The following DDR2 variants were observed in gnomAD, a reference collection of about 807,000 sequenced individuals.
The protein encoded by DDR2 is discoidin domain receptor tyrosine kinase 2, also known as discoidin domain-containing receptor 2.
A neutral mutation model predicts 94.9 loss-of-function variants in DDR2; 27 were observed. The ratio of observed to expected loss-of-function variants is 0.28; its 90% CI spans 0.21 to 0.39. The LOEUF (loss-of-function observed/expected upper bound fraction) is 0.39. Ranked by LOEUF, DDR2 falls within the 10% of genes least tolerant of loss-of-function variation. The pLI, the probability that DDR2 is intolerant of heterozygous loss-of-function variation, is 1.00. For missense variants in DDR2, 783 were observed against 1,076.0 expected, an observed-to-expected ratio of 0.73 and a Z score of 3.81; for synonymous variants, 382 against 377.2, an observed-to-expected ratio of 1.01 and a Z score of -0.15.
chr1:162,670,404 C>G (rs1383393513), intron 2 of DDR2, among the ~76,000 whole-genome samples: 2 of 152,220 alleles, frequency 1.3e-5, no homozygotes. Flanking sequence ...TTGTGCCTGG[C>G]ACAGCTCTCC....
intron 12 of DDR2, 62 bp downstream of exon 12, chr1:162,770,574 T>A (rs1240605844): frequency 2.7e-6 from 4 of 1,460,210 alleles, no homozygotes; most frequent in African/African-American, 1.4e-5. Flanking sequence ...CAGGTAGGTA[T>A]GACACGCCTG....
chr1:162,654,484 AC>A (rs1571150671), intron 1 of DDR2, among the ~76,000 whole-genome samples: 1 of 152,062 alleles, frequency 6.6e-6, no homozygotes, highest in East Asian at 1.9e-4. Context: ...AAAACCAAAA[AC>A]CCTCAAACAC....
intron 3 of DDR2, among the ~76,000 whole-genome samples, chr1:162,745,696 G>T (rs1212448459): frequency 1.3e-5 from 2 of 151,860 alleles, no homozygotes; most frequent in Non-Finnish European, 2.9e-5. Context: ...GTTTTTTCAG[G>T]TACCATACTG....
chr1:162,751,321 C>CA (rs1245962837), intron 3 of DDR2, among the ~76,000 whole-genome samples: 2 of 151,984 alleles, frequency 1.3e-5, no homozygotes, highest in Non-Finnish European at 2.9e-5. Flanking sequence ...ACAACCCCAT[C>CA]AAAAAATGGG....
intron 11 of DDR2, among the ~76,000 whole-genome samples, chr1:162,769,375 T>C (rs1664154314): frequency 6.6e-6 from 1 of 152,212 alleles, no homozygotes; most frequent in African/African-American, 2.4e-5. Context: ...TTAACATAGC[T>C]GTAGACTGTA....
At chr1:162,757,146 A>T (rs372103666) in intron 7 of DDR2, among the ~76,000 whole-genome samples, 1 of 152,244 alleles carries the variant, frequency 6.6e-6, no homozygotes, top group East Asian at 1.9e-4. Flanking sequence ...GGATGAAAAC[A>T]TCTGGATTTC....
intron 2 of DDR2, among the ~76,000 whole-genome samples, chr1:162,715,651 CT>C (rs1661132718): frequency 6.6e-6 from 1 of 152,296 alleles, no homozygotes; most frequent in Admixed American, 6.5e-5. Flanking sequence ...TAACACAAGC[CT>C]TAGGTTCACA....
At chr1:162,670,462 A>G (rs368096722) in intron 2 of DDR2, among the ~76,000 whole-genome samples, 2 of 152,318 alleles carry the variant, frequency 1.3e-5, no homozygotes, top group African/African-American at 4.8e-5. Context: ...CAGGTTACCT[A>G]GGATGATCTT....
intron 1 of DDR2, among the ~76,000 whole-genome samples, chr1:162,644,502 C>G (rs1657309673): frequency 6.6e-6 from 1 of 152,160 alleles, no homozygotes; most frequent in Non-Finnish European, 1.5e-5. Context: ...ATCCACCAGA[C>G]AGCCTGATGA....
chr1:162,772,394 T>C (rs1647273215), intron 13 of DDR2, 147 bp downstream of exon 13: 1 of 853,590 alleles, frequency 1.2e-6, no homozygotes, highest in Non-Finnish European at 1.9e-6. Context: ...TGGATTTCAG[T>C]ATTGGGTCAA....
At chr1:162,641,105 C>T (rs1211149014) in intron 1 of DDR2, among the ~76,000 whole-genome samples, 1 of 152,068 alleles carries the variant, frequency 6.6e-6, no homozygotes, top group African/African-American at 2.4e-5. Context: ...GAGTGATGGG[C>T]CAAGGGTTAA....
At chr1:162,660,056 A>T (rs1232479318) in intron 2 of DDR2, among the ~76,000 whole-genome samples, 1 of 152,150 alleles carries the variant, frequency 6.6e-6, no homozygotes, top group Non-Finnish European at 1.5e-5. Flanking sequence ...CCTGAGCCTG[A>T]ACTTGCTCAA....
chr1:162,680,288 C>T (rs1659340639), intron 2 of DDR2, among the ~76,000 whole-genome samples: 1 of 152,106 alleles, frequency 6.6e-6, no homozygotes, highest in African/African-American at 2.4e-5. Flanking sequence ...GTCTTTAATC[C>T]ATCTTGAGTT....
chr1:162,663,172 C>A (rs1658390822), intron 2 of DDR2, among the ~76,000 whole-genome samples: 1 of 152,104 alleles, frequency 6.6e-6, no homozygotes, highest in Non-Finnish European at 1.5e-5. Context: ...TTCTTGAGAA[C>A]CTGAATAATG....
chr1:162,729,210 C>T (rs1214932660), intron 3 of DDR2, among the ~76,000 whole-genome samples: 1 of 149,624 alleles, frequency 6.7e-6, no homozygotes, highest in African/African-American at 2.5e-5. Context: ...GGGCTTCTAA[C>T]AGTCCTGAAC....
intron 2 of DDR2, among the ~76,000 whole-genome samples, chr1:162,667,195 T>C (rs1185620437): frequency 6.6e-6 from 1 of 152,212 alleles, no homozygotes; most frequent in Non-Finnish European, 1.5e-5. Context: ...GCAAGGGTCT[T>C]CCTTGTACAT....
At chr1:162,760,484 CTATATATGTATATACATATACAACTA>C (rs1201191960) in intron 8 of DDR2, among the ~76,000 whole-genome samples, 149 of 122,760 alleles carry the variant, frequency 1.2e-3, no homozygotes, top group African/African-American at 3.7e-3. Context: ...ACATATACAA[CTATATATGTATATACATATACAACTA>C]TATATATGTA....
intron 2 of DDR2, among the ~76,000 whole-genome samples, chr1:162,709,092 A>G (rs1006799825): frequency 6.6e-6 from 1 of 152,206 alleles, no homozygotes; most frequent in Non-Finnish European, 1.5e-5. Flanking sequence ...GTGAGAAGAC[A>G]GAGGTGCCAA....
intron 1 of DDR2, among the ~76,000 whole-genome samples, chr1:162,637,409 T>C (rs868692063): frequency 6.6e-6 from 1 of 152,074 alleles, no homozygotes; most frequent in Non-Finnish European, 1.5e-5. Flanking sequence ...TTTTTAAAAA[T>C]TATAGAGCAA....
Sources: gnomAD v4.1 joint callset for allele counts (sites outside exome capture counted in the v4.1 genomes callset) on GRCh38, gnomAD v4.1.1 for gene constraint, MANE v1.5 for transcripts, NCBI Gene and HGNC (gene_info 2026-07-23, HGNC 2026-07-21) for gene names.